Variants in PSD observed in about 807,000 individuals in gnomAD.
PSD encodes the protein pleckstrin and Sec7 domain containing, also known as PH and SEC7 domain-containing protein 1.
A neutral mutation model predicts 91.6 loss-of-function variants in PSD; 32 were observed. The ratio of observed to expected loss-of-function variants is 0.35; its 90% CI spans 0.26 to 0.47. PSD has a LOEUF of 0.47. Among genes scored for constraint, PSD ranks in the 20% least tolerant of loss-of-function variants. The pLI is 1.00. For missense variants in PSD, 1,099 were observed against 1,373.9 expected, an observed-to-expected ratio of 0.80 and a Z score of 3.16; for synonymous variants, 532 against 569.3, an observed-to-expected ratio of 0.93 and a Z score of 0.93.
At position 102,413,129 on chromosome 10, in the gene PSD, C is replaced by G. The variant is rs544088597; in HGVS notation, c.1554-554G>C. Reference sequence around the variant, plus strand: ...AGGGTCGGGGTGCATACCCTCATTCCCTTTCTTTCCTCCCCTTCCCACCCC... The same window carrying G: ...AGGGTCGGGGTGCATACCCTCATTCGCTTTCTTTCCTCCCCTTCCCACCCC... On this transcript the variant is annotated intron_variant, in intron 5 of 16. Coordinates refer to ENST00000020673, the MANE Select transcript of PSD (RefSeq NM_002779.5). 5.9e-5 allele frequency among the ~76,000 whole-genome samples: 9 copies of G among 152,260 alleles called. No individual in the cohort carries two copies. The East Asian group carries it at 1.7e-3, about 29-fold the overall frequency.
In PSD at chr10:102,404,084, C is replaced by T; in HGVS notation, c.2701-99G>A. On this transcript the variant is annotated intron_variant, in intron 15 of 16. Transcript: ENST00000020673. The surrounding 1 kb of genome is among the most constrained non-coding windows in gnomAD (Gnocchi z 5.7). ...CCCCTTCCAGCCGGGCGCGGTGGCT[C>T]ACGCCTGTAATCCCAGCACTTTGGG... The T allele has an allele frequency of 7.8e-7, 1 of 1,287,200 alleles. No individual in the cohort carries two copies. Among genetic ancestry groups the T allele is most frequent in the Non-Finnish European group, 1.0e-6 (1 of 961,146 alleles). The allele number at this position is 1,287,200 out of a possible 1,614,324, so 79.7% of individuals were successfully genotyped here.
In PSD at chr10:102,415,054, G is replaced by C. The variant is rs766493888; in HGVS notation, c.933C>G (p.Ala311=). 3.1e-6 allele frequency: 5 copies of C among 1,613,952 alleles called. No homozygotes were observed. Among genetic ancestry groups the C allele is most frequent in the Middle Eastern group, 1.7e-4 (1 of 6,056 alleles). ...IDEVLAEREE[A]DSAIESQPSS... ...TGGGCTGACTTTCGATGGCCGAGTC[G>C]GCCTCCTCCCGCTCAGCCAGCACCT... is the stretch of plus-strand genomic sequence containing the variant. The change falls in exon 4 of 17, where the codon GCC becomes GCG. Residue 311 remains alanine (A), a synonymous_variant. Coordinates refer to ENST00000020673, the MANE Select transcript of PSD (RefSeq NM_002779.5).
chr10:102,416,438 C>T lies in PSD; in HGVS notation c.601G>A (p.Glu201Lys), dbSNP rs1326722058. 3 of 1,611,814 alleles carry T rather than the reference C, an allele frequency of 1.9e-6. No homozygotes were observed. Among genetic ancestry groups the T allele is most frequent in the Admixed American group, 1.7e-5 (1 of 59,628 alleles). The change falls in exon 2 of 17, where the codon GAG becomes AAG. Residue 201 changes from glutamate (E) to lysine (K), a missense_variant. Physicochemically the swap from Glu to Lys is moderately conservative, Grantham distance 56. Coordinates refer to ENST00000020673, the MANE Select transcript of PSD (RefSeq NM_002779.5). The surrounding 1 kb of genome is among the most constrained non-coding windows in gnomAD (Gnocchi z 6.0). ...CCTCCGAAGAGTGTGGCCAGGCGCT[C>T]AGGGGGGCCCCCCAGCCCATTGGGG... The part of the protein sequence containing the change: ...SLPNGLGGPP[E>K]RLATLFGGPA...
At chr10:102,408,981 A>T in intron 10 of PSD, 1 of 987,168 alleles carries the variant, frequency 1.0e-6, no homozygotes, top group Non-Finnish European at 1.2e-6. Flanking sequence ...CGCTGCGGCC[A>T]GCCGTAGCAC....
Position 102,403,503 on chromosome 10 carries a change from G to A in PSD, c.2845-73C>T. 7.1e-7 allele frequency: 1 copy of A among 1,417,182 alleles called. No individual in the cohort carries two copies. The highest frequency in any genetic ancestry group is 1.3e-5 in the South Asian group (1 of 74,612). 87.8% of individuals were successfully genotyped at this position (1,417,182 alleles called of 1,614,324 possible). ...CCCACCCCACCATCTGGACCAGGGA[G>A]GGCCGCCAGCAGGGCAGAAGATGGC... On this transcript the variant is annotated intron_variant, in intron 16 of 16. Transcript: ENST00000020673. This position sits in a 1 kb window ranked among gnomAD's most constrained non-coding sequence, Gnocchi z 6.7.
Position 102,413,798 on chromosome 10 carries a change from G to A in PSD, c.1524C>T (p.Ser508=). Residue 508 remains serine (S), a synonymous_variant, in exon 5 of 17, where the codon AGC becomes AGT. Transcript: ENST00000020673. ...EPPSPCHSED[S]LGLGAAPLGS... ...CAAGGGGTGCTGCCCCCAGCCCAAG[G>A]CTGTCCTCTGAGTGGCAGGGACTAG... 6.2e-7 allele frequency: 1 copy of A among 1,613,948 alleles called. No individual in the cohort carries two copies. Among genetic ancestry groups the A allele is most frequent in the Non-Finnish European group, 8.5e-7 (1 of 1,179,918 alleles).
At chr10:102,413,578 T>C (rs961906172) in intron 5 of PSD, among the ~76,000 whole-genome samples, 191 bp downstream of exon 5, 1 of 152,034 alleles carries the variant, frequency 6.6e-6, no homozygotes, top group Non-Finnish European at 1.5e-5. Context: ...AGAGGGGTGC[T>C]GTGAGGGACT....
chr10:102,405,811 G>GC lies in PSD; in HGVS notation c.2136-276dup, dbSNP rs1221770562. ...GGCCAGCACTATCCTCTCCATTGCT[G>GC]CACACCTGCAGCCCTCACACCCTTC... On this transcript the variant is annotated intron_variant, in intron 11 of 16. Transcript: ENST00000020673. The surrounding 1 kb of genome is among the most constrained non-coding windows in gnomAD (Gnocchi z 5.4). The GC allele has an allele frequency of 1.2e-5, 5 of 412,920 alleles. No individual in the cohort carries two copies. Among genetic ancestry groups the GC allele is most frequent in the Non-Finnish European group, 2.2e-5 (5 of 227,122 alleles). The allele number at this position is 412,920 out of a possible 1,614,324, so 25.6% of individuals were successfully genotyped here. A position where few individuals can be genotyped will look rare whatever the true frequency, so the allele number is the denominator to read the frequency against.
Position 102,413,773 on chromosome 10 carries a change from C to G in PSD, c.1549G>C (p.Gly517Arg). The G allele has an allele frequency of 6.2e-7, 1 of 1,607,332 alleles. No individual in the cohort carries two copies. Among genetic ancestry groups the G allele is most frequent in the Non-Finnish European group, 8.5e-7 (1 of 1,175,542 alleles). ...DSLGLGAAPL[G>R]SEPPLSQLVS... ...GGGACAAAAGGAATTACTTACCTGC[C>G]AAGGGGTGCTGCCCCCAGCCCAAGG... Residue 517 changes from glycine (G) to arginine (R), a missense_variant, in exon 5 of 17, where the codon GGC (glycine) becomes CGC (arginine). Physicochemically the swap from Gly to Arg is moderately radical, Grantham distance 125. This residue lies in a region of PSD where 631 missense variants were observed against 728.8 expected (regional missense o/e 0.87). Transcript: ENST00000020673.
rs781243205 is a variant in PSD, at chr10:102,410,296, C to T, written c.2091+562G>A. Reference sequence around the variant, plus strand: ...CCTCGGTTGCGGGCCATGGAGCTGGCGCCTGGGAACGGGACCTGCTCACAG... The same window carrying T: ...CCTCGGTTGCGGGCCATGGAGCTGGTGCCTGGGAACGGGACCTGCTCACAG... On this transcript the variant is annotated intron_variant, in intron 10 of 16. Transcript: ENST00000020673. The surrounding 1 kb of genome is among the most constrained non-coding windows in gnomAD (Gnocchi z 6.0). Among the ~76,000 whole-genome samples the T allele has an allele frequency of 6.6e-6, 1 of 152,200 alleles. No homozygotes were observed. Among genetic ancestry groups the T allele is most frequent in the Non-Finnish European group, 1.5e-5 (1 of 68,036 alleles).
In PSD at chr10:102,405,031, G is replaced by A; in HGVS notation, c.2422C>T (p.Leu808Phe). 1.2e-6 allele frequency: 2 copies of A among 1,614,026 alleles called. No homozygotes were observed. Among genetic ancestry groups the A allele is most frequent in the Non-Finnish European group, 1.7e-6 (2 of 1,179,958 alleles). The change falls in exon 14 of 17, where the codon CTT becomes TTT. Residue 808 changes from leucine to phenylalanine, a missense_variant. Physicochemically the swap from Leu to Phe is conservative, Grantham distance 22. Transcript: ENST00000020673. This position sits in a 1 kb window ranked among gnomAD's most constrained non-coding sequence, Gnocchi z 5.4. ...GCATTCTTGAGCTCCGTCTCTGAAA[G>A]GGCCTTCCCAGGCTTGTACTCCTCC... ...QKEEYKPGKALSETELKNAIS... is the reference protein window; with the variant it reads ...QKEEYKPGKAFSETELKNAIS...
intron 6 of PSD, 70 bp downstream of exon 6, chr10:102,412,311 T>A: frequency 5.6e-6 from 9 of 1,610,660 alleles, no homozygotes; most frequent in Non-Finnish European, 7.6e-6. Flanking sequence ...CCAGGGGACA[T>A]TAGATGGAGA....
In PSD at chr10:102,405,505, CAGACAG is replaced by C. The variant is rs755782971; in HGVS notation, c.2161_2166del (p.Leu721_Ser722del). On this transcript the variant is annotated inframe_deletion, in exon 12 of 17. Transcript: ENST00000020673. This position sits in a 1 kb window ranked among gnomAD's most constrained non-coding sequence, Gnocchi z 5.4. Reference sequence around the variant, plus strand: ...ACCTTGGGGTTGGGGTCGGCCAACTCAGACAGAGAGCGTCTCAGCTCCTCCTCGTCT... The same window carrying C: ...ACCTTGGGGTTGGGGTCGGCCAACTCAGAGCGTCTCAGCTCCTCCTCGTCT... 6.2e-7 allele frequency: 1 copy of C among 1,613,886 alleles called. No individual in the cohort carries two copies. Among genetic ancestry groups the C allele is most frequent in the East Asian group, 2.2e-5 (1 of 44,878 alleles).
At chr10:102,406,793 C>T (rs2135451767) in intron 11 of PSD, among the ~76,000 whole-genome samples, 1 of 152,348 alleles carries the variant, frequency 6.6e-6, no homozygotes, top group East Asian at 1.9e-4. Context: ...GCGTGAGCCA[C>T]CTCGCCTGGC....
In PSD at chr10:102,416,925, G is replaced by A; in HGVS notation, c.114C>T (p.Ser38=). ...EGPVPQSPPA[S]MYGSTGSLLR... is the part of the protein sequence containing the mutation. Reference sequence around the variant, plus strand: ...GCAAGGAGCCTGTGCTGCCATACATGCTGGCTGGGGGGCTCTGGGGCACCG... The same window carrying A: ...GCAAGGAGCCTGTGCTGCCATACATACTGGCTGGGGGGCTCTGGGGCACCG... The change falls in exon 2 of 17, where the codon AGC becomes AGT. Residue 38 remains serine, a synonymous_variant. Transcript: ENST00000020673. The surrounding 1 kb of genome is among the most constrained non-coding windows in gnomAD (Gnocchi z 6.0). The A allele has an allele frequency of 6.2e-7, 1 of 1,606,018 alleles. No individual in the cohort carries two copies. Among genetic ancestry groups the A allele is most frequent in the Non-Finnish European group, 8.5e-7 (1 of 1,179,358 alleles).
chr10:102,418,224 TAAC>T (rs199716205), intron 1 of PSD, among the ~76,000 whole-genome samples: 5,917 of 151,994 alleles, frequency 0.039, 201 homozygotes, highest in African/African-American at 0.094. Flanking sequence ...CTCACAGTCA[TAAC>T]AAGTATGTGT....
chr10:102,409,367 C>A lies in PSD; in HGVS notation c.2091+1491G>T. 2.0e-6 allele frequency: 2 copies of A among 985,156 alleles called. No homozygotes were observed. The highest frequency in any genetic ancestry group is 2.4e-6 in the Non-Finnish European group (2 of 829,666). 61.0% of individuals were successfully genotyped at this position (985,156 alleles called of 1,614,324 possible). ...ACCGCATGAAATGGAGGCGCCCGAT[C>A]GCGAAGGGGGCCCTCCCCGCGCGGC... On this transcript the variant is annotated intron_variant, in intron 10 of 16. Coordinates refer to ENST00000020673, the MANE Select transcript of PSD (RefSeq NM_002779.5). This position sits in a 1 kb window ranked among gnomAD's most constrained non-coding sequence, Gnocchi z 5.7.
chr10:102,410,992 C>T lies in PSD; in HGVS notation c.2002-45G>A. On this transcript the variant is annotated intron_variant, in intron 9 of 16. Coordinates refer to ENST00000020673, the MANE Select transcript of PSD (RefSeq NM_002779.5). The surrounding 1 kb of genome is among the most constrained non-coding windows in gnomAD (Gnocchi z 6.0). ...CCTGTGAGTTTGGAGGGCCCTTGGC[C>T]TCCCAGGTCCTGCATGTCTGGCCAG... is the stretch of plus-strand genomic sequence containing the variant. 6.2e-7 allele frequency: 1 copy of T among 1,613,088 alleles called. No homozygotes were observed. The highest frequency in any genetic ancestry group is 8.5e-7 in the Non-Finnish European group (1 of 1,179,060).
chr10:102,414,758 ACCCATCTCTATCCCAGG>A lies in PSD; in HGVS notation c.1124+88_1124+104del, dbSNP rs2061458266. On this transcript the variant is annotated intron_variant, in intron 4 of 16. Coordinates refer to ENST00000020673, the MANE Select transcript of PSD (RefSeq NM_002779.5). The surrounding 1 kb of genome is among the most constrained non-coding windows in gnomAD (Gnocchi z 5.6). ...ATACACACTGCCCCGCCAGCCCCAC[ACCCATCTCTATCCCAGG>A]CCCTTTGAGCCCGGCTCTGCCTGTG... The A allele has an allele frequency of 7.1e-7, 1 of 1,407,622 alleles. No homozygotes were observed. The highest frequency in any genetic ancestry group is 9.4e-7 in the Non-Finnish European group (1 of 1,063,938). 87.2% of individuals were successfully genotyped at this position (1,407,622 alleles called of 1,614,324 possible).
Sources: gnomAD v4.1 joint callset for allele counts (sites outside exome capture counted in the v4.1 genomes callset) on GRCh38, gnomAD v4.1.1 for gene constraint, gnomAD v4.1.1 regional missense constraint, Gnocchi (gnomAD v3.1) non-coding constraint, MANE v1.5 for transcripts, NCBI Gene and HGNC (gene_info 2026-07-23, HGNC 2026-07-21) for gene names.